Variants in KCNQ3 observed in about 807,000 individuals in gnomAD.
The protein encoded by KCNQ3 is potassium voltage-gated channel subfamily Q member 3.
A neutral mutation model predicts 92.5 loss-of-function variants in KCNQ3; 30 were observed. The observed-to-expected ratio is 0.32, with a 90% CI of 0.24 to 0.44. The LOEUF (loss-of-function observed/expected upper bound fraction) is 0.44. KCNQ3 is among the 20% of genes least tolerant of loss of function. KCNQ3 has a pLI of 1.00. For synonymous variants in KCNQ3, 450 were observed against 468.8 expected (o/e 0.96, Z 0.52); for missense variants, 913 against 1,140.3 (o/e 0.80, Z 2.87).
At chr8:132,395,449 G>A (rs560197163) in intron 1 of KCNQ3, among the ~76,000 whole-genome samples, 1 of 152,270 alleles carries the variant, frequency 6.6e-6, no homozygotes, top group African/African-American at 2.4e-5. Context: ...ATGCCTTAGA[G>A]TCTGGTTTGA....
At chr8:132,305,794 C>T (rs1447031736) in intron 1 of KCNQ3, among the ~76,000 whole-genome samples, 1 of 152,132 alleles carries the variant, frequency 6.6e-6, no homozygotes, top group Non-Finnish European at 1.5e-5. Context: ...GCTTCTGCCG[C>T]TTCAATATTC....
chr8:132,372,974 C>T (rs150227320), intron 1 of KCNQ3, among the ~76,000 whole-genome samples: 1 of 151,978 alleles, frequency 6.6e-6, no homozygotes, highest in Non-Finnish European at 1.5e-5. Context: ...AAGAAAGAAC[C>T]AAAGAAAGAA....
intron 1 of KCNQ3, among the ~76,000 whole-genome samples, chr8:132,276,281 A>T (rs1816327360): frequency 1.3e-5 from 2 of 152,308 alleles, no homozygotes; most frequent in South Asian, 4.1e-4. Flanking sequence ...CTACTCCAGG[A>T]GGTGGACACC....
chr8:132,299,898 A>G, intron 1 of KCNQ3, among the ~76,000 whole-genome samples: 1 of 152,244 alleles, frequency 6.6e-6, no homozygotes, highest in East Asian at 1.9e-4. Context: ...TCCTGCTGGC[A>G]GAAACCAAGT....
intron 1 of KCNQ3, among the ~76,000 whole-genome samples, chr8:132,446,305 T>C (rs1421237201): frequency 6.6e-6 from 1 of 152,200 alleles, no homozygotes; most frequent in Admixed American, 6.5e-5. Context: ...TTGGAAAGAC[T>C]GTGCAAAACA....
chr8:132,132,099 A>AG (rs1161984606), intron 14 of KCNQ3, 81 bp downstream of exon 14: 1,107 of 955,826 alleles, frequency 1.2e-3, no homozygotes, highest in Non-Finnish European at 1.5e-3. Context: ...AAAAAAAAAA[A>AG]GAAAGAAAGA....
At chr8:132,267,421 A>G (rs1816022726) in intron 1 of KCNQ3, among the ~76,000 whole-genome samples, 1 of 152,086 alleles carries the variant, frequency 6.6e-6, no homozygotes, top group Non-Finnish European at 1.5e-5. Context: ...TAATCCTAAC[A>G]TGTATTTCCT....
chr8:132,301,381 C>T (rs1299554299), intron 1 of KCNQ3, among the ~76,000 whole-genome samples: 1 of 152,120 alleles, frequency 6.6e-6, no homozygotes, highest in Non-Finnish European at 1.5e-5. Flanking sequence ...CCTGTCATAC[C>T]TTCTTTATTA....
chr8:132,292,586 G>A, intron 1 of KCNQ3, among the ~76,000 whole-genome samples: 1 of 152,162 alleles, frequency 6.6e-6, no homozygotes, highest in Admixed American at 6.5e-5. Context: ...GACCAACAGA[G>A]GAATGAATGG....
intron 1 of KCNQ3, among the ~76,000 whole-genome samples, chr8:132,292,497 G>A (rs1386828160): frequency 6.6e-6 from 1 of 152,114 alleles, no homozygotes; most frequent in Admixed American, 6.5e-5. Context: ...AATGTTTGTG[G>A]GTGGATATAT....
chr8:132,413,163 G>T (rs751966909), intron 1 of KCNQ3, among the ~76,000 whole-genome samples: 3 of 152,182 alleles, frequency 2.0e-5, no homozygotes, highest in African/African-American at 7.2e-5. Flanking sequence ...TTCTCGCCAC[G>T]CTACAAATGA....
chr8:132,289,644 A>G (rs914360712), intron 1 of KCNQ3, among the ~76,000 whole-genome samples: 6 of 152,210 alleles, frequency 3.9e-5, no homozygotes, highest in African/African-American at 1.4e-4. Context: ...ATCCTTAACT[A>G]GGGTAACATT....
chr8:132,209,251 C>T (rs1813773433), intron 1 of KCNQ3, among the ~76,000 whole-genome samples: 1 of 152,132 alleles, frequency 6.6e-6, no homozygotes, highest in African/African-American at 2.4e-5. Context: ...AGTCTCCACC[C>T]TCCCTGAAAG....
At chr8:132,282,531 T>TC (rs989987745) in intron 1 of KCNQ3, among the ~76,000 whole-genome samples, 1 of 152,124 alleles carries the variant, frequency 6.6e-6, no homozygotes, top group Non-Finnish European at 1.5e-5. Flanking sequence ...ACAGTGCTTA[T>TC]CCCCCCTTGC....
intron 1 of KCNQ3, among the ~76,000 whole-genome samples, chr8:132,309,780 G>T (rs187374827): frequency 6.6e-5 from 10 of 152,202 alleles, no homozygotes; most frequent in African/African-American, 2.2e-4. Context: ...TTACAAACTG[G>T]TCCCCTCTGT....
At chr8:132,180,456 C>A (rs987029523) in intron 3 of KCNQ3, 127 bp from the exon 4 acceptor site, 3 of 969,834 alleles carry the variant, frequency 3.1e-6, no homozygotes, top group Admixed American at 1.9e-5. Flanking sequence ...AATCTGAGCA[C>A]TGCTGTTGAA....
Position 132,129,644 on chromosome 8 carries a change from G to A in KCNQ3, c.2237C>T (p.Thr746Met), listed in dbSNP as rs375833070. The A allele has an allele frequency of 2.6e-5, 42 of 1,614,040 alleles. No individual in the cohort carries two copies. The highest frequency in any genetic ancestry group is 2.5e-4 in the African/African-American group (19 of 74,926). ...SSATTYVERP[T>M]VLPILTLLDS... is the part of the protein sequence containing the mutation. The stretch of plus-strand genomic sequence containing the variant: ...GAGAAGAGTCAAGATAGGCAGGACC[G>A]TGGGCCTCTCCACATACGTTGTTGC... Residue 746 changes from threonine (T) to methionine (M), a missense_variant, in exon 15 of 15, where the codon ACG becomes ATG. Transcript: ENST00000388996. The surrounding 1 kb of genome is among the most constrained non-coding windows in gnomAD (Gnocchi z 5.9).
chr8:132,400,517 C>T (rs1820305861), intron 1 of KCNQ3, among the ~76,000 whole-genome samples: 1 of 152,226 alleles, frequency 6.6e-6, no homozygotes. Context: ...GAGCACGGAG[C>T]CAGCTCCTAG....
At chr8:132,384,926 C>T (rs545265639) in intron 1 of KCNQ3, among the ~76,000 whole-genome samples, 5 of 152,256 alleles carry the variant, frequency 3.3e-5, no homozygotes, top group African/African-American at 9.6e-5. Flanking sequence ...TCCCAGTGAC[C>T]AGGACATAGC....
Sources: allele counts gnomAD v4.1 joint callset (sites outside exome capture counted in the v4.1 genomes callset), GRCh38; gene constraint gnomAD v4.1.1; non-coding constraint Gnocchi (gnomAD v3.1); transcripts MANE v1.5; gene names NCBI Gene and HGNC (gene_info 2026-07-23, HGNC 2026-07-21).